IARS1: variants seen among roughly 807,000 people sequenced by gnomAD.
The protein encoded by IARS1 is isoleucine--tRNA ligase, cytoplasmic.
In IARS1, 124 loss-of-function variants were observed where a neutral mutation model predicts 168.2. The ratio of observed to expected loss-of-function variants is 0.74; its 90% CI spans 0.64 to 0.86. The LOEUF (loss-of-function observed/expected upper bound fraction) is 0.86, where lower values mean the gene tolerates loss of function less well. IARS1 is among the 40% of genes least tolerant of loss of function. The pLI, the probability that IARS1 is intolerant of heterozygous loss-of-function variation, is 0.00. For missense variants in IARS1, 1,452 were observed against 1,515.8 expected (o/e 0.96, Z 0.70); for synonymous variants, 532 against 529.4 (o/e 1.00, Z -0.07).
At chr9:92,288,546 CTTGAG>C (rs1338578649) in intron 2 of IARS1, among the ~76,000 whole-genome samples, 1 of 152,140 alleles carries the variant, frequency 6.6e-6, no homozygotes, top group African/African-American at 2.4e-5. Flanking sequence ...TTATCCTGAT[CTTGAG>C]TTATCTCATC....
At chr9:92,268,338 T>C (rs2133851163) in intron 13 of IARS1, 38 bp from the exon 14 acceptor site, 2 of 1,595,210 alleles carry the variant, frequency 1.3e-6, no homozygotes, top group Non-Finnish European at 1.7e-6. Context: ...CACATAAAAA[T>C]ATGGAAAAAT....
intron 6 of IARS1, among the ~76,000 whole-genome samples, chr9:92,282,997 G>A (rs2133958989): frequency 6.6e-6 from 1 of 152,000 alleles, no homozygotes; most frequent in East Asian, 1.9e-4. Context: ...TGGAACTAAA[G>A]GTTCACGCCA....
At position 92,253,584 on chromosome 9, in the gene IARS1, C is replaced by A; in HGVS notation, c.2138-131G>T. On this transcript the variant is annotated intron_variant, in intron 20 of 33. Coordinates refer to ENST00000443024, the MANE Select transcript of IARS1 (RefSeq NM_002161.6). ...CCTCCACTTACTAAGGAGAAAAGAA[C>A]CAAAATGAATCAATCACATAATGAC... is the stretch of plus-strand genomic sequence containing the variant. 5 of 646,050 alleles carry A rather than the reference C, an allele frequency of 7.7e-6. No individual in the cohort carries two copies. In the Admixed American group the frequency reaches 1.1e-4, roughly 14 times the overall value. 40.0% of individuals were successfully genotyped at this position (646,050 alleles called of 1,614,324 possible).
rs180813857 is a variant in IARS1, at chr9:92,260,128, C to A, written c.1871+23G>T. On this transcript the variant is annotated intron_variant, in intron 18 of 33. Transcript: ENST00000443024. Reference sequence around the variant, plus strand: ...TACATAAAAAAACAATAGATACACACAAGGCAAAGCACTGGTTTGTACCTG... The same window carrying A: ...TACATAAAAAAACAATAGATACACAAAAGGCAAAGCACTGGTTTGTACCTG... The A allele has an allele frequency of 1.1e-4, 162 of 1,510,890 alleles. 2 individuals carry two copies. In the East Asian group the frequency reaches 3.4e-3, roughly 32 times the overall value. The allele number at this position is 1,510,890 out of a possible 1,614,324, so 93.6% of individuals were successfully genotyped here.
chr9:92,220,621 A>G (rs984943303), intron 33 of IARS1, among the ~76,000 whole-genome samples: 3 of 101,388 alleles, frequency 3.0e-5, no homozygotes, highest in African/African-American at 9.2e-5. Flanking sequence ...CTCTGTCTCA[A>G]AACAAACAAA....
chr9:92,281,414 G>GT (rs1216193441), intron 6 of IARS1, among the ~76,000 whole-genome samples: 2 of 152,072 alleles, frequency 1.3e-5, no homozygotes, highest in Admixed American at 6.6e-5. Context: ...GATTACAGGC[G>GT]TGAGTCACCA....
intron 17 of IARS1, 30 bp from the exon 18 acceptor site, chr9:92,260,264 AG>A: frequency 7.5e-7 from 1 of 1,329,270 alleles, no homozygotes; most frequent in Non-Finnish European, 1.1e-6. Context: ...ATGCCAATTA[AG>A]TAAGTCAATA....
intron 1 of IARS1, among the ~76,000 whole-genome samples, chr9:92,291,108 A>G (rs1304105007): frequency 6.6e-6 from 1 of 151,980 alleles, no homozygotes; most frequent in Non-Finnish European, 1.5e-5. Flanking sequence ...ATACTTGATC[A>G]ATCTATGACT....
intron 8 of IARS1, 66 bp from the exon 9 acceptor site, chr9:92,277,989 A>G: frequency 7.0e-7 from 1 of 1,428,092 alleles, no homozygotes; most frequent in Non-Finnish European, 9.8e-7. Flanking sequence ...AGCCACATCA[A>G]GCTACCACTC....
chr9:92,241,909 G>A (rs1828467601), intron 29 of IARS1, among the ~76,000 whole-genome samples: 1 of 152,140 alleles, frequency 6.6e-6, no homozygotes, highest in South Asian at 2.1e-4. Context: ...TCCGGGCAAA[G>A]CTCATGTACC....
intron 20 of IARS1, among the ~76,000 whole-genome samples, chr9:92,255,669 T>C (rs1005579745): frequency 1.1e-4 from 16 of 152,328 alleles, no homozygotes; most frequent in Middle Eastern, 3.4e-3. Flanking sequence ...AATGCATTAA[T>C]AACAAGTATT....
chr9:92,268,844 A>ACACG lies in IARS1; in HGVS notation c.1305-548_1305-545dup, dbSNP rs538909025. ...TGACACGCAGCCTGCCTGCCCTCTG[A>ACACG]CACGCAGCTTCCCTCCCTTCTGCAT... On this transcript the variant is annotated intron_variant, in intron 13 of 33. Transcript: ENST00000443024. Among the ~76,000 whole-genome samples, 34 of 152,132 alleles carry ACACG rather than the reference A, an allele frequency of 2.2e-4. No homozygotes were observed. In the South Asian group the frequency reaches 6.9e-3, roughly 31 times the overall value.
At chr9:92,277,746 G>T (rs1833969507) in intron 9 of IARS1, 117 bp downstream of exon 9, 2 of 742,862 alleles carry the variant, frequency 2.7e-6, no homozygotes. Flanking sequence ...TACTAAAGCA[G>T]ACTTTCTGGA....
intron 22 of IARS1, 111 bp from the exon 23 acceptor site, chr9:92,250,945 C>A: frequency 8.6e-7 from 1 of 1,160,666 alleles, no homozygotes. Flanking sequence ...TAATAGGCAC[C>A]AAAATGAGCA....
chr9:92,267,686 T>TG (rs1832474119), intron 14 of IARS1, among the ~76,000 whole-genome samples: 1 of 152,202 alleles, frequency 6.6e-6, no homozygotes, highest in East Asian at 1.9e-4. Context: ...AACCTCTGTA[T>TG]GACATTAAGT....
In IARS1 at chr9:92,258,881, T is replaced by G; in HGVS notation, c.1989A>C (p.Leu663Phe). 6.2e-7 allele frequency: 1 copy of G among 1,612,756 alleles called. No homozygotes were observed. The highest frequency in any genetic ancestry group is 8.5e-7 in the Non-Finnish European group (1 of 1,179,586). ...TCTGGAGCCTCAGAACGTTCTGGAT[T>G]AAGAAGCGATAGGCATTGTACCATG... ...LLPWYNAYRF[L>F]IQNVLRLQKE... The change falls in exon 19 of 34, where the codon TTA (leucine) becomes TTC (phenylalanine). Residue 663 changes from leucine (L) to phenylalanine (F), a missense_variant. Coordinates refer to ENST00000443024, the MANE Select transcript of IARS1 (RefSeq NM_002161.6).
chr9:92,223,638 A>C (rs999521191), intron 31 of IARS1, 149 bp from the exon 32 acceptor site: 6 of 636,446 alleles, frequency 9.4e-6, no homozygotes, highest in Non-Finnish European at 1.6e-5. Flanking sequence ...CCTTTTCTAT[A>C]AAACCAGCCT....
At chr9:92,227,110 A>G (rs1357834216) in intron 31 of IARS1, among the ~76,000 whole-genome samples, 1 of 137,190 alleles carries the variant, frequency 7.3e-6, no homozygotes, top group East Asian at 2.0e-4. Context: ...TTCAGAGAGC[A>G]CAGGGTTGGG....
intron 7 of IARS1, among the ~76,000 whole-genome samples, chr9:92,279,490 C>A (rs554944315): frequency 1.3e-5 from 2 of 152,316 alleles, no homozygotes; most frequent in South Asian, 4.1e-4. Context: ...TTGTGGCCAA[C>A]AGCTTTCCAG....
Sources: allele counts gnomAD v4.1 joint callset (sites outside exome capture counted in the v4.1 genomes callset), GRCh38; gene constraint gnomAD v4.1.1; transcripts MANE v1.5; gene names NCBI Gene and HGNC (gene_info 2026-07-23, HGNC 2026-07-21).